The following CNTNAP2 variants were observed in gnomAD, a reference collection of about 807,000 sequenced individuals.
CNTNAP2 encodes the protein contactin-associated protein-like 2.
A neutral mutation model predicts 155.2 loss-of-function variants in CNTNAP2; 98 were observed. That is an observed-to-expected ratio of 0.63 (90% CI 0.54 to 0.75). The LOEUF is 0.75. Among genes scored for constraint, CNTNAP2 ranks in the 30% least tolerant of loss-of-function variants. CNTNAP2 has a pLI of 0.00. For missense variants in CNTNAP2, 1,727 were observed against 1,688.1 expected, an observed-to-expected ratio of 1.02 and a Z score of -0.40; for synonymous variants, 651 against 631.2, an observed-to-expected ratio of 1.03 and a Z score of -0.47.
intron 11 of CNTNAP2, among the ~76,000 whole-genome samples, chr7:147,493,379 CCCATTCCCACA>C (rs1263052717): frequency 2.6e-5 from 4 of 152,176 alleles, no homozygotes; most frequent in African/African-American, 9.7e-5. Context: ...TACTTTCCAT[CCCATTCCCACA>C]CCATGATCTG....
chr7:146,845,834 T>C (rs1803830296), intron 3 of CNTNAP2, among the ~76,000 whole-genome samples: 1 of 152,198 alleles, frequency 6.6e-6, no homozygotes, highest in South Asian at 2.1e-4. Context: ...CTGTGCCAGG[T>C]GCCATTGCAG....
intron 1 of CNTNAP2, among the ~76,000 whole-genome samples, chr7:146,276,966 G>C (rs771066138): frequency 2.6e-5 from 4 of 152,116 alleles, no homozygotes; most frequent in Middle Eastern, 3.2e-3. Context: ...TTTGAAAAAT[G>C]TCTTTGTACT....
At chr7:147,702,105 G>T (rs1796244902) in intron 13 of CNTNAP2, among the ~76,000 whole-genome samples, 2 of 128,938 alleles carry the variant, frequency 1.6e-5, no homozygotes, top group African/African-American at 3.1e-5. Flanking sequence ...ATATCTCTCT[G>T]GCATCCTTCA....
intron 3 of CNTNAP2, among the ~76,000 whole-genome samples, chr7:146,850,109 C>T (rs1464907564): frequency 6.6e-6 from 1 of 152,160 alleles, no homozygotes; most frequent in Non-Finnish European, 1.5e-5. Flanking sequence ...TAATTATAGG[C>T]TGCAGTGAAA....
At chr7:147,263,756 T>C (rs567120497) in intron 8 of CNTNAP2, among the ~76,000 whole-genome samples, 12 of 152,326 alleles carry the variant, frequency 7.9e-5, no homozygotes, top group Admixed American at 6.5e-4. Context: ...TTGATTCAGC[T>C]CTGATGCATA....
At chr7:146,611,028 A>T (rs1799127803) in intron 1 of CNTNAP2, among the ~76,000 whole-genome samples, 1 of 152,238 alleles carries the variant, frequency 6.6e-6, no homozygotes, top group Non-Finnish European at 1.5e-5. Flanking sequence ...TACCAATAAC[A>T]TTTATGATTT....
chr7:146,390,628 A>G (rs1795527314), intron 1 of CNTNAP2, among the ~76,000 whole-genome samples: 1 of 149,744 alleles, frequency 6.7e-6, no homozygotes, highest in Admixed American at 6.7e-5. Context: ...TTTTTCATGA[A>G]ATAAAAATAT....
chr7:147,394,681 T>A (rs1392621932), intron 9 of CNTNAP2, among the ~76,000 whole-genome samples: 1 of 151,966 alleles, frequency 6.6e-6, no homozygotes, highest in East Asian at 1.9e-4. Context: ...ATTATGCATG[T>A]TTCTCTTAAA....
chr7:147,924,121 C>CTT (rs1439236189), intron 14 of CNTNAP2, among the ~76,000 whole-genome samples: 4 of 121,434 alleles, frequency 3.3e-5, no homozygotes, highest in African/African-American at 1.3e-4. Flanking sequence ...ACTCTAAGCA[C>CTT]TTTTTTCTTT....
intron 3 of CNTNAP2, among the ~76,000 whole-genome samples, chr7:146,855,942 T>C (rs1389320848): frequency 2.7e-5 from 4 of 150,498 alleles, no homozygotes; most frequent in Admixed American, 6.6e-5. Flanking sequence ...ACACCTAAGA[T>C]AGACTTTAAT....
intron 11 of CNTNAP2, among the ~76,000 whole-genome samples, chr7:147,530,025 T>C (rs1272583024): frequency 6.6e-6 from 1 of 152,166 alleles, no homozygotes; most frequent in Non-Finnish European, 1.5e-5. Flanking sequence ...GTGGGGATTG[T>C]GATGACAGTA....
intron 1 of CNTNAP2, among the ~76,000 whole-genome samples, chr7:146,646,251 G>C (rs1420551838): frequency 6.6e-6 from 1 of 152,108 alleles, no homozygotes; most frequent in Admixed American, 6.6e-5. Context: ...AAGGGAGCTT[G>C]AACATGTTCA....
intron 1 of CNTNAP2, among the ~76,000 whole-genome samples, chr7:146,525,532 T>TTATCTATCTATCTATCTATC (rs71175655): frequency 2.7e-5 from 4 of 147,842 alleles, no homozygotes; most frequent in Non-Finnish European, 6.0e-5. Context: ...TCTTTTCAGT[T>TTATCTATCTATCTATCTATC]TATCTATCTA....
At chr7:147,932,134 C>A (rs1393202211) in intron 14 of CNTNAP2, among the ~76,000 whole-genome samples, 1 of 152,136 alleles carries the variant, frequency 6.6e-6, no homozygotes, top group Non-Finnish European at 1.5e-5. Flanking sequence ...GATCCACCCA[C>A]CTTGGCCTTC....
At chr7:146,964,641 TG>T in intron 3 of CNTNAP2, among the ~76,000 whole-genome samples, 1 of 152,268 alleles carries the variant, frequency 6.6e-6, no homozygotes, top group South Asian at 2.1e-4. Flanking sequence ...AGAAATAGTT[TG>T]GGGCAAATGT....
intron 1 of CNTNAP2, among the ~76,000 whole-genome samples, chr7:146,659,758 A>G (rs1178287798): frequency 1.3e-5 from 2 of 152,262 alleles, no homozygotes; most frequent in Non-Finnish European, 2.9e-5. Context: ...ACGAACATTA[A>G]AGGAGTTTCT....
intron 11 of CNTNAP2, among the ~76,000 whole-genome samples, chr7:147,506,143 A>T (rs1798901968): frequency 6.6e-6 from 1 of 152,196 alleles, no homozygotes; most frequent in Admixed American, 6.5e-5. Flanking sequence ...CAACAGAGGA[A>T]GGCATGGCCA....
chr7:147,771,306 A>G (rs963975053), intron 13 of CNTNAP2, among the ~76,000 whole-genome samples: 3 of 152,230 alleles, frequency 2.0e-5, no homozygotes, highest in Admixed American at 2.0e-4. Flanking sequence ...TTTACACACA[A>G]AAAAGCACAC....
At chr7:147,532,424 G>T (rs1307675926) in intron 11 of CNTNAP2, among the ~76,000 whole-genome samples, 3 of 152,122 alleles carry the variant, frequency 2.0e-5, no homozygotes, top group Non-Finnish European at 4.4e-5. Flanking sequence ...GTCACTATCA[G>T]CATTTTGGAC....
Sources: gnomAD v4.1 joint callset for allele counts (sites outside exome capture counted in the v4.1 genomes callset) on GRCh38, gnomAD v4.1.1 for gene constraint, MANE v1.5 for transcripts, NCBI Gene and HGNC (gene_info 2026-07-23, HGNC 2026-07-21) for gene names.